Variants in PPM1D observed in about 807,000 individuals in gnomAD.
PPM1D encodes protein phosphatase 1D.
In PPM1D, 52 loss-of-function variants were observed where a neutral mutation model predicts 58.3. That is an observed-to-expected ratio of 0.89 (90% CI 0.71 to 1.12). The LOEUF (loss-of-function observed/expected upper bound fraction) is 1.12, where lower values mean the gene tolerates loss of function less well. Among genes scored for constraint, PPM1D ranks in the 50% most tolerant of loss-of-function variants. PPM1D has a pLI of 0.00. For synonymous variants in PPM1D, 278 were observed against 285.1 expected (o/e 0.98, Z 0.25); for missense variants, 564 against 777.2 (o/e 0.73, Z 3.26).
chr17:60,604,924 T>C (rs1253310241), intron 1 of PPM1D, among the ~76,000 whole-genome samples: 1 of 152,222 alleles, frequency 6.6e-6, no homozygotes, highest in Non-Finnish European at 1.5e-5. Flanking sequence ...GTTCAAGCGA[T>C]TCTCGTGCCT....
At chr17:60,605,458 G>C (rs2143618695) in intron 1 of PPM1D, among the ~76,000 whole-genome samples, 1 of 152,198 alleles carries the variant, frequency 6.6e-6, no homozygotes, top group South Asian at 2.1e-4. Context: ...TTTTAGGATT[G>C]GCCACATAAT....
chr17:60,637,874 G>A (rs901652826), intron 3 of PPM1D, among the ~76,000 whole-genome samples: 1 of 152,214 alleles, frequency 6.6e-6, no homozygotes, highest in Non-Finnish European at 1.5e-5. Context: ...ATTTGGGTTA[G>A]CGTACCCTGG....
At position 60,600,641 on chromosome 17, in the gene PPM1D, G is replaced by C; in HGVS notation, c.227G>C (p.Arg76Pro). 6.4e-7 allele frequency: 1 copy of C among 1,553,452 alleles called. No individual in the cohort carries two copies. The highest frequency in any genetic ancestry group is 8.7e-7 in the Non-Finnish European group (1 of 1,152,952). Residue 76 changes from arginine (R) to proline (P), a missense_variant, in exon 1 of 6, where the codon CGC (arginine) becomes CCC (proline). Arg to Pro is a moderately radical substitution (Grantham distance 103, BLOSUM62 -2). Coordinates refer to ENST00000305921, the MANE Select transcript of PPM1D (RefSeq NM_003620.4). Reference protein sequence around the residue: ...KGPAVAAREARDPLPDAGASP... With the variant: ...KGPAVAAREAPDPLPDAGASP... ...CCAGCGGTGGCAGCCCGAGAGGCTCGCGACCCTCTCCCGGACGCCGGGGCC... is the reference window on the plus strand; with the variant it reads ...CCAGCGGTGGCAGCCCGAGAGGCTCCCGACCCTCTCCCGGACGCCGGGGCC...
intron 1 of PPM1D, among the ~76,000 whole-genome samples, chr17:60,612,132 G>A (rs528980669): frequency 9.9e-5 from 15 of 151,934 alleles, no homozygotes; most frequent in African/African-American, 1.9e-4. Context: ...TGACATATGC[G>A]CATGTCAAGC....
chr17:60,614,122 A>G (rs1246985020), intron 1 of PPM1D, among the ~76,000 whole-genome samples: 2 of 152,084 alleles, frequency 1.3e-5, no homozygotes, highest in East Asian at 1.9e-4. Context: ...GGACTTGGAG[A>G]ACCTTTATGT....
chr17:60,617,931 A>G (rs1050788834), intron 1 of PPM1D, among the ~76,000 whole-genome samples: 5 of 152,130 alleles, frequency 3.3e-5, no homozygotes, highest in Admixed American at 6.6e-5. Flanking sequence ...CCCCCTAAAA[A>G]ACTACCTTCC....
intron 5 of PPM1D, among the ~76,000 whole-genome samples, chr17:60,662,092 G>A (rs570461991): frequency 6.6e-6 from 1 of 152,104 alleles, no homozygotes; most frequent in East Asian, 1.9e-4. Context: ...CACCTCCTGG[G>A]CTCAAGCAGT....
intron 3 of PPM1D, among the ~76,000 whole-genome samples, chr17:60,639,346 A>C (rs2143685940): frequency 6.6e-6 from 1 of 152,162 alleles, no homozygotes; most frequent in East Asian, 1.9e-4. Flanking sequence ...TCCTAACCTC[A>C]GGTGATCTAC....
In PPM1D at chr17:60,600,378, G is replaced by A. The variant is rs566689695; in HGVS notation, c.-37G>A. ...GTGTCTCCCGCCGCCGGATTCGGCGGGCTGCGTGGGACCGGCGGGATCCCG... is the reference window on the plus strand; with the variant it reads ...GTGTCTCCCGCCGCCGGATTCGGCGAGCTGCGTGGGACCGGCGGGATCCCG... On this transcript the variant is annotated 5_prime_UTR_variant, in exon 1 of 6. Coordinates refer to ENST00000305921, the MANE Select transcript of PPM1D (RefSeq NM_003620.4). The A allele has an allele frequency of 3.9e-4, 607 of 1,540,556 alleles. 5 individuals carry two copies. In the East Asian group the frequency reaches 0.014, roughly 36 times the overall value.
At chr17:60,662,960 T>A (rs2031550388) in intron 5 of PPM1D, 35 bp from the exon 6 acceptor site, 1 of 1,545,248 alleles carries the variant, frequency 6.5e-7, no homozygotes, top group Non-Finnish European at 8.8e-7. Context: ...CTGGGATAAA[T>A]TTTTTCTTAT....
chr17:60,645,259 C>T (rs1051815190), intron 3 of PPM1D, among the ~76,000 whole-genome samples: 1 of 151,952 alleles, frequency 6.6e-6, no homozygotes, highest in African/African-American at 2.4e-5. Context: ...GAGGCTGAGG[C>T]AGGAGAATCA....
intron 1 of PPM1D, among the ~76,000 whole-genome samples, chr17:60,609,413 T>C (rs1183518034): frequency 1.3e-5 from 2 of 151,204 alleles, no homozygotes; most frequent in African/African-American, 4.9e-5. Context: ...TTATAACTTA[T>C]ATATGACATC....
At chr17:60,650,549 CA>C (rs1421057190) in intron 4 of PPM1D, among the ~76,000 whole-genome samples, 2 of 150,552 alleles carry the variant, frequency 1.3e-5, no homozygotes, top group Non-Finnish European at 2.9e-5. Context: ...GACTCCATCT[CA>C]AAACAACAAC....
At chr17:60,634,383 C>G (rs953984573) in intron 3 of PPM1D, among the ~76,000 whole-genome samples, 1 of 151,762 alleles carries the variant, frequency 6.6e-6, no homozygotes, top group Non-Finnish European at 1.5e-5. Flanking sequence ...CCAGCCTGGG[C>G]GACAGAGCAA....
chr17:60,620,647 T>A (rs2030681494), intron 1 of PPM1D, among the ~76,000 whole-genome samples: 1 of 151,926 alleles, frequency 6.6e-6, no homozygotes. Context: ...TGAGCTGGGA[T>A]TACAGGTGTG....
chr17:60,607,237 C>CT (rs1183761287), intron 1 of PPM1D, among the ~76,000 whole-genome samples: 1 of 151,936 alleles, frequency 6.6e-6, no homozygotes, highest in African/African-American at 2.4e-5. Context: ...GTTTACTGCC[C>CT]TTTTATTATG....
intron 1 of PPM1D, among the ~76,000 whole-genome samples, chr17:60,603,944 T>C (rs886289067): frequency 8.5e-5 from 13 of 152,172 alleles, no homozygotes; most frequent in East Asian, 1.9e-4. Context: ...GTAGCTATTT[T>C]CCCCCCCAGA....
Position 60,651,450 on chromosome 17 carries a change from T to C in PPM1D, c.1017+3368T>C, listed in dbSNP as rs1259136612. On this transcript the variant is annotated intron_variant, in intron 4 of 5. Coordinates refer to ENST00000305921, the MANE Select transcript of PPM1D (RefSeq NM_003620.4). ...ATCTCGCTGTGTTGCCAGGCTGGAG[T>C]GCAGTGGCGCGATCTCAGCTCACTG... Among the ~76,000 whole-genome samples, 9 of 149,970 alleles carry C rather than the reference T, an allele frequency of 6.0e-5. 1 individual carries two copies. The highest frequency in any genetic ancestry group is 1.2e-4 in the Non-Finnish European group (8 of 67,692).
At chr17:60,627,511 T>C (rs1035628392) in intron 2 of PPM1D, among the ~76,000 whole-genome samples, 1 of 151,856 alleles carries the variant, frequency 6.6e-6, no homozygotes, top group Non-Finnish European at 1.5e-5. Flanking sequence ...AACCTCTGCC[T>C]CCCAGGTTCA....
Sources: gnomAD v4.1 joint callset for allele counts (sites outside exome capture counted in the v4.1 genomes callset) on GRCh38, gnomAD v4.1.1 for gene constraint, MANE v1.5 for transcripts, NCBI Gene and HGNC (gene_info 2026-07-23, HGNC 2026-07-21) for gene names.